Variants in MXRA5 observed in about 807,000 individuals in gnomAD.
MXRA5 encodes matrix-remodeling-associated protein 5.
Under a neutral mutation model 112.5 loss-of-function variants are expected in MXRA5, and 41 were observed. The observed-to-expected ratio is 0.36, with a 90% CI of 0.28 to 0.47. MXRA5 has a LOEUF of 0.47. Ranked by LOEUF, MXRA5 falls within the 20% of genes least tolerant of loss-of-function variation. The probability of loss-of-function intolerance (pLI) is 0.99; values close to 1 mark genes in which losing one functional copy is unlikely to be tolerated. For missense variants in MXRA5, 2,150 were observed against 2,251.0 expected, an observed-to-expected ratio of 0.96 and a Z score of 0.91; for synonymous variants, 862 against 900.8, an observed-to-expected ratio of 0.96 and a Z score of 0.77.
At position 3,321,021 on chromosome X, in the gene MXRA5, G is replaced by T; in HGVS notation, c.4664C>A (p.Pro1555Gln). 8.3e-7 allele frequency: 1 copy of T among 1,211,929 alleles called. No individual in the cohort carries two copies. Among genetic ancestry groups the T allele is most frequent in the Non-Finnish European group, 1.1e-6 (1 of 895,542 alleles). The change falls in exon 5 of 7, where the codon CCA (proline) becomes CAA (glutamine). Residue 1555 changes from proline (P) to glutamine (Q), a missense_variant. Coordinates refer to ENST00000217939, the MANE Select transcript of MXRA5 (RefSeq NM_015419.4). ...GGAAGAGGGTGTTGATAATTCATTT[G>T]GCCCTGACATATGCTGTGTTCCTTC... ...NNEGTQHMSG[P>Q]NELSTPSSDQ...
intron 5 of MXRA5, among the ~76,000 whole-genome samples, chrX:3,318,746 C>A (rs1005990056): frequency 8.9e-6 from 1 of 111,967 alleles, no homozygotes; most frequent in Non-Finnish European, 1.9e-5. Context: ...ATGTTTACCA[C>A]AGTGCTATTC....
chrX:3,341,153 A>G (rs1921934270), intron 2 of MXRA5, among the ~76,000 whole-genome samples: 5 of 54,806 alleles, frequency 9.1e-5, no homozygotes, highest in African/African-American at 3.6e-4. Context: ...TACATATATT[A>G]TATATTATAT....
At chrX:3,319,980 A>G in intron 5 of MXRA5, 28 bp downstream of exon 5, 1 of 1,110,512 alleles carries the variant, frequency 9.0e-7, no homozygotes, top group Non-Finnish European at 1.2e-6. Context: ...GACCAAAAAA[A>G]AAAAAAGTAG....
intron 2 of MXRA5, among the ~76,000 whole-genome samples, chrX:3,337,583 C>T (rs1921810847): frequency 8.9e-6 from 1 of 112,099 alleles, no homozygotes; most frequent in Non-Finnish European, 1.9e-5. Context: ...TATCAAGCAT[C>T]TATCTGTTAT....
Position 3,321,509 on chromosome X carries a change from C to A in MXRA5, c.4176G>T (p.Gln1392His), listed in dbSNP as rs774537357. The A allele has an allele frequency of 1.7e-5, 21 of 1,209,028 alleles. No homozygotes were observed. The Admixed American group carries it at 3.5e-4, about 20-fold the overall frequency. The change falls in exon 5 of 7, where the codon CAG (glutamine) becomes CAT (histidine). Residue 1392 changes from glutamine to histidine, a missense_variant. By Grantham distance (24) the Gln-to-His change is conservative. Transcript: ENST00000217939. ...CAGAAGTGGTAACAGGTATGCCTGT[C>A]TGTAGCCTCCCAGGCTGGGCCGTCC... ...PSRTAQPGRL[Q>H]TGIPVTTSGE...
rs927401591 is a variant in MXRA5, at chrX:3,317,732, G to A, written c.5949C>T (p.Ser1983=). 1 of 1,205,275 alleles carries A rather than the reference G, an allele frequency of 8.3e-7. No homozygotes were observed. The highest frequency in any genetic ancestry group is 1.8e-5 in the African/African-American group (1 of 57,076). ...ACACCCTCCTGTCAGGGAAGATCCA[G>A]GAAATTTGGGGGGCTGGGGTCCCTT... is the stretch of plus-strand genomic sequence containing the variant. ...LAKGTPAPQI[S]WIFPDRRVWQ... Residue 1983 remains serine (S), a synonymous_variant, in exon 6 of 7, where the codon TCC becomes TCT. Coordinates refer to ENST00000217939, the MANE Select transcript of MXRA5 (RefSeq NM_015419.4).
Position 3,343,749 on chromosome X carries a change from G to T in MXRA5, c.85C>A (p.His29Asn), listed in dbSNP as rs753228362. The change falls in exon 2 of 7, where the codon CAT (histidine) becomes AAT (asparagine). Residue 29 changes from histidine to asparagine, a missense_variant. This residue lies in a region of MXRA5 where 386 missense variants were observed against 411.0 expected (regional missense o/e 0.94). Transcript: ENST00000217939. The part of the protein sequence containing the change: ...GHPRVALACP[H>N]PCACYVPSEV... Reference sequence around the variant, plus strand: ...CTGGGGACGTAGCAGGCACAAGGATGCGGGCAGGCCAGCGCCACTCGCGGA... The same window carrying T: ...CTGGGGACGTAGCAGGCACAAGGATTCGGGCAGGCCAGCGCCACTCGCGGA... 14 of 1,211,492 alleles carry T rather than the reference G, an allele frequency of 1.2e-5. No homozygotes were observed. The Admixed American group carries it at 3.0e-4, about 26-fold the overall frequency.
intron 2 of MXRA5, among the ~76,000 whole-genome samples, chrX:3,342,238 T>A (rs1431306614): frequency 2.8e-5 from 3 of 106,489 alleles, no homozygotes; most frequent in African/African-American, 1.0e-4. Context: ...CAGGGCCTGC[T>A]GGGGGGTGGG....
chrX:3,315,379 TAGATAGATAGATGATAGATA>T (rs1569181311), intron 6 of MXRA5, among the ~76,000 whole-genome samples: 21 of 41,327 alleles, frequency 5.1e-4, no homozygotes, highest in African/African-American at 2.0e-3. Flanking sequence ...ATAGAATAGA[TAGATAGATAGATGATAGATA>T]GATAGATAGA....
At chrX:3,345,800 C>T (rs1443488333) in intron 1 of MXRA5, among the ~76,000 whole-genome samples, 1 of 112,996 alleles carries the variant, frequency 8.8e-6, no homozygotes, top group East Asian at 2.8e-4. Flanking sequence ...TTCCAGAGTC[C>T]GCTGGGTCGC....
chrX:3,345,939 T>G (rs917964259), intron 1 of MXRA5, among the ~76,000 whole-genome samples: 1 of 112,831 alleles, frequency 8.9e-6, no homozygotes, highest in African/African-American at 3.2e-5. Context: ...CCGGTTTTTT[T>G]GCATGGCTCG....
chrX:3,322,618 T>A lies in MXRA5; in HGVS notation c.3067A>T (p.Ile1023Leu). 8.3e-7 allele frequency: 1 copy of A among 1,211,842 alleles called. No homozygotes were observed. The highest frequency in any genetic ancestry group is 1.1e-6 in the Non-Finnish European group (1 of 895,463). The change falls in exon 5 of 7, where the codon ATA (isoleucine) becomes TTA (leucine). Residue 1023 changes from isoleucine (I) to leucine (L), a missense_variant. Around this residue, in one of 6 missense-constraint regions of MXRA5, gnomAD observed 1,485 missense variants for 1,471.6 expected, o/e 1.01. Coordinates refer to ENST00000217939, the MANE Select transcript of MXRA5 (RefSeq NM_015419.4). ...TGGCCTGGGACACCTGGTTCCCCTA[T>A]AGTAGAATCCTCAAATAACTGTGAT... ...STSQLFEDSTIGEPGVPGQSH... is the reference protein window; with the variant it reads ...STSQLFEDSTLGEPGVPGQSH...
At position 3,308,717 on chromosome X, in the gene MXRA5, C is replaced by T. The variant is rs943003547; in HGVS notation, c.*999G>A. 2 of 111,810 alleles carry T rather than the reference C, an allele frequency of 1.8e-5. No individual in the cohort carries two copies. Among genetic ancestry groups the T allele is most frequent in the African/African-American group, 6.5e-5 (2 of 30,720 alleles). The allele number at this position is 111,810 out of a possible 1,213,427, so 9.2% of individuals were successfully genotyped here. On this transcript the variant is annotated 3_prime_UTR_variant, in exon 7 of 7. Transcript: ENST00000217939. ...AAGCAGCCACCTTAGACCAGATGGA[C>T]AAGCCAGATACTGCAGAGAAGTTTC...
At position 3,323,360 on chromosome X, in the gene MXRA5, G is replaced by A; in HGVS notation, c.2325C>T (p.Asn775=). The stretch of plus-strand genomic sequence containing the variant: ...CCCAGCGCTCCGGATTAATCTGTTT[G>A]TTTGCCATGTTTATCCTTCGTCTAG... The part of the protein sequence containing the change: ...FESRRRINMA[N]KQINPERWAD... The change falls in exon 5 of 7, where the codon AAC becomes AAT. Residue 775 remains asparagine, a synonymous_variant. Transcript: ENST00000217939. 1 of 1,211,532 alleles carries A rather than the reference G, an allele frequency of 8.3e-7. No individual in the cohort carries two copies. The highest frequency in any genetic ancestry group is 1.1e-6 in the Non-Finnish European group (1 of 895,462).
chrX:3,341,040 ATT>A (rs1354400020), intron 2 of MXRA5, among the ~76,000 whole-genome samples: 4 of 39,602 alleles, frequency 1.0e-4, no homozygotes, highest in African/African-American at 1.4e-4. Flanking sequence ...TATAATATAT[ATT>A]GTGTATAATA....
rs1022711071 is a variant in MXRA5 at position 3,321,763 on chromosome X, T to C, written c.3922A>G (p.Lys1308Glu). ...TTRKIYSSYP[K>E]VQETLPVTYK... is the part of the protein sequence containing the mutation. ...GTGACTGGAAGTGTCTCTTGGACTT[T>C]AGGGTAAGATGAATATATTTTTCTG... The change falls in exon 5 of 7, where the codon AAA becomes GAA. Residue 1308 changes from lysine to glutamate, a missense_variant. Around this residue, in one of 6 missense-constraint regions of MXRA5, gnomAD observed 1,485 missense variants for 1,471.6 expected, o/e 1.01. Transcript: ENST00000217939. The C allele has an allele frequency of 8.3e-7, 1 of 1,210,627 alleles. No homozygotes were observed. Among genetic ancestry groups the C allele is most frequent in the Admixed American group, 2.2e-5 (1 of 45,976 alleles).
Position 3,324,133 on chromosome X carries a change from C to A in MXRA5, c.1552G>T (p.Gly518Cys), listed in dbSNP as rs757326062. The change falls in exon 5 of 7, where the codon GGC (glycine) becomes TGC (cysteine). Residue 518 changes from glycine (G) to cysteine (C), a missense_variant. Coordinates refer to ENST00000217939, the MANE Select transcript of MXRA5 (RefSeq NM_015419.4). ...SPSIFWVLPD[G>C]SILKAPMDDP... is the part of the protein sequence containing the mutation. ...TCCATGGGCGCTTTCAGGATGGAGCCATCTGGAAGCACCCAGAAGATAGAT... is the reference window on the plus strand; with the variant it reads ...TCCATGGGCGCTTTCAGGATGGAGCAATCTGGAAGCACCCAGAAGATAGAT... 1.3e-5 allele frequency: 16 copies of A among 1,211,289 alleles called. No homozygotes were observed. Among genetic ancestry groups the A allele is most frequent in the Non-Finnish European group, 1.7e-5 (15 of 895,451 alleles).
At chrX:3,341,944 C>T (rs12007325) in intron 2 of MXRA5, among the ~76,000 whole-genome samples, 1 of 108,625 alleles carries the variant, frequency 9.2e-6, no homozygotes, top group Non-Finnish European at 1.9e-5. Flanking sequence ...ACTTTCTGTT[C>T]TGCAAATATC....
chrX:3,330,536 A>G, intron 3 of MXRA5, 108 bp downstream of exon 3: 2 of 1,124,925 alleles, frequency 1.8e-6, no homozygotes, highest in South Asian at 2.2e-5. Context: ...TTTCATGTCA[A>G]ACAATAGCCG....
Sources: gnomAD v4.1 joint callset for allele counts (sites outside exome capture counted in the v4.1 genomes callset) on GRCh38, gnomAD v4.1.1 for gene constraint, gnomAD v4.1.1 regional missense constraint, MANE v1.5 for transcripts, NCBI Gene and HGNC (gene_info 2026-07-23, HGNC 2026-07-21) for gene names.